ITPK1: variants seen among roughly 807,000 people sequenced by gnomAD.
ITPK1 encodes inositol 1,3,4-trisphosphate 5/6-kinase.
ITPK1 carries 21 observed loss-of-function variants against 45.3 expected under a neutral mutation model. The ratio of observed to expected loss-of-function variants is 0.46; its 90% CI spans 0.33 to 0.67. The LOEUF (loss-of-function observed/expected upper bound fraction) is 0.67. Among genes scored for constraint, ITPK1 ranks in the 30% least tolerant of loss-of-function variants. The pLI is 0.02. For synonymous variants in ITPK1, 258 were observed against 253.6 expected, an observed-to-expected ratio of 1.02 and a Z score of -0.16; for missense variants, 474 against 573.5, an observed-to-expected ratio of 0.83 and a Z score of 1.77.
chr14:93,114,747 C>T (rs1057173284), intron 2 of ITPK1, among the ~76,000 whole-genome samples: 2 of 152,188 alleles, frequency 1.3e-5, no homozygotes, highest in Non-Finnish European at 2.9e-5. Flanking sequence ...AGCGTGGATG[C>T]CCCGATTTCC....
chr14:93,017,495 G>A (rs1349940421), intron 3 of ITPK1, among the ~76,000 whole-genome samples: 1 of 152,228 alleles, frequency 6.6e-6, no homozygotes, highest in Non-Finnish European at 1.5e-5. Context: ...GGCCCCAAGA[G>A]AGCCAGAGCC....
chr14:93,003,724 C>A (rs1277943567), intron 4 of ITPK1, among the ~76,000 whole-genome samples: 1 of 152,166 alleles, frequency 6.6e-6, no homozygotes, highest in Non-Finnish European at 1.5e-5. Context: ...CTTCTGCCTG[C>A]CCATCACTGT....
Position 93,115,325 on chromosome 14 carries a change from G to A in ITPK1, c.-142-20C>T. 1 of 301,460 alleles carries A rather than the reference G, an allele frequency of 3.3e-6. No homozygotes were observed. The highest frequency in any genetic ancestry group is 6.0e-6 in the Non-Finnish European group (1 of 166,352). 18.7% of individuals were successfully genotyped at this position (301,460 alleles called of 1,614,324 possible). On this transcript the variant is annotated intron_variant, in intron 1 of 10. Transcript: ENST00000267615. The stretch of plus-strand genomic sequence containing the variant: ...GCAGTCCTGCCGCGCGGAGCGGAGC[G>A]GGGCGGGGCGCGGCGGGCGGCCGGG...
At chr14:93,005,441 C>T (rs1887563569) in intron 4 of ITPK1, among the ~76,000 whole-genome samples, 1 of 152,140 alleles carries the variant, frequency 6.6e-6, no homozygotes, top group African/African-American at 2.4e-5. Flanking sequence ...GGCCCAGATT[C>T]AGGGTCCGGG....
intron 2 of ITPK1, among the ~76,000 whole-genome samples, chr14:93,113,347 C>G (rs1000260689): frequency 6.6e-6 from 1 of 152,156 alleles, no homozygotes; most frequent in Non-Finnish European, 1.5e-5. Context: ...TTGTGAGTCT[C>G]GGCGAAGAAT....
At chr14:93,028,788 G>A (rs1888882733) in intron 3 of ITPK1, among the ~76,000 whole-genome samples, 1 of 152,198 alleles carries the variant, frequency 6.6e-6, no homozygotes, top group African/African-American at 2.4e-5. Flanking sequence ...TTCAGCTTCG[G>A]CATTTCTAAG....
chr14:93,034,530 C>G lies in ITPK1; in HGVS notation c.121-17729G>C, dbSNP rs1052054255. Among the ~76,000 whole-genome samples the G allele has an allele frequency of 6.6e-6, 1 of 152,192 alleles. No homozygotes were observed. Among genetic ancestry groups the G allele is most frequent in the African/African-American group, 2.4e-5 (1 of 41,450 alleles). ...CGGGCTCCACCACAGCTGGCCCCCA[C>G]TGGGCTGGGAGATCTGTCTGCTCTG... On this transcript the variant is annotated intron_variant, in intron 3 of 10. Coordinates refer to ENST00000267615, the MANE Select transcript of ITPK1 (RefSeq NM_014216.6). This position sits in a 1 kb window ranked among gnomAD's most constrained non-coding sequence, Gnocchi z 4.1.
At chr14:93,095,451 A>G (rs1892037442) in intron 2 of ITPK1, among the ~76,000 whole-genome samples, 1 of 152,168 alleles carries the variant, frequency 6.6e-6, no homozygotes, top group Non-Finnish European at 1.5e-5. Flanking sequence ...TTCCAAAGCC[A>G]GCTTCTGGGC....
At chr14:93,022,259 T>C (rs1888506809) in intron 3 of ITPK1, among the ~76,000 whole-genome samples, 1 of 152,122 alleles carries the variant, frequency 6.6e-6, no homozygotes, top group African/African-American at 2.4e-5. Context: ...GATCAACAAG[T>C]GAAGGCCACT....
Position 93,041,791 on chromosome 14 carries a change from C to CA in ITPK1, c.121-24991dup, listed in dbSNP as rs757649372. Among the ~76,000 whole-genome samples, 14 of 152,218 alleles carry CA rather than the reference C, an allele frequency of 9.2e-5. 1 individual carries two copies. The highest frequency in any genetic ancestry group is 1.5e-4 in the Non-Finnish European group (10 of 68,022). ...TGCTCGCACCCAGCACTACAGGTGA[C>CA]AAGAGTTCCTGGCCTTTCCTGTCTG... On this transcript the variant is annotated intron_variant, in intron 3 of 10. Coordinates refer to ENST00000267615, the MANE Select transcript of ITPK1 (RefSeq NM_014216.6).
In ITPK1 at chr14:92,940,017, G is replaced by T; in HGVS notation, c.*1544C>A. On this transcript the variant is annotated 3_prime_UTR_variant, in exon 11 of 11. Coordinates refer to ENST00000267615, the MANE Select transcript of ITPK1 (RefSeq NM_014216.6). ...TCAAGTCGTGTAAACGTGGTTAGTTGTTGGGTCCTCAGTTTCCAAAAAAGC... is the reference window on the plus strand; with the variant it reads ...TCAAGTCGTGTAAACGTGGTTAGTTTTTGGGTCCTCAGTTTCCAAAAAAGC... 1 of 985,858 alleles carries T rather than the reference G, an allele frequency of 1.0e-6. No homozygotes were observed. The highest frequency in any genetic ancestry group is 4.7e-5 in the South Asian group (1 of 21,290). The allele number at this position is 985,858 out of a possible 1,614,324, so 61.1% of individuals were successfully genotyped here.
intron 2 of ITPK1, among the ~76,000 whole-genome samples, chr14:93,081,683 A>G (rs766171819): frequency 3.3e-4 from 50 of 152,242 alleles, no homozygotes; most frequent in Non-Finnish European, 6.2e-4. Flanking sequence ...GGGTAACTAC[A>G]GACCGGTGCT....
chr14:93,081,031 T>C (rs1891413868), intron 2 of ITPK1, among the ~76,000 whole-genome samples: 2 of 151,188 alleles, frequency 1.3e-5, no homozygotes, highest in South Asian at 2.1e-4. Context: ...AATTTTTAAG[T>C]TTCATTAAAA....
chr14:93,114,395 A>G (rs910268584), intron 2 of ITPK1, among the ~76,000 whole-genome samples: 2 of 151,988 alleles, frequency 1.3e-5, no homozygotes, highest in African/African-American at 4.8e-5. Flanking sequence ...CTTTCTACGC[A>G]CCAGCCACTC....
chr14:93,075,119 G>T (rs1381278174), intron 3 of ITPK1, among the ~76,000 whole-genome samples: 1 of 151,940 alleles, frequency 6.6e-6, no homozygotes, highest in African/African-American at 2.4e-5. Flanking sequence ...CTGAGGTCGG[G>T]AGTTCAAGAT....
intron 3 of ITPK1, chr14:93,070,325 A>C (rs538885937): frequency 1.3e-5 from 2 of 152,406 alleles, no homozygotes; most frequent in East Asian, 3.9e-4. Context: ...CTGGATGGGG[A>C]AACCGCTCCT....
At chr14:92,942,145 C>T in intron 10 of ITPK1, among the ~76,000 whole-genome samples, 1 of 152,204 alleles carries the variant, frequency 6.6e-6, no homozygotes, top group East Asian at 1.9e-4. Flanking sequence ...GTGTGAGAAG[C>T]TGAAGAACCT....
Position 92,946,672 on chromosome 14 carries a change from C to T in ITPK1, c.739-179G>A, listed in dbSNP as rs187258336. 2.2e-4 allele frequency among the ~76,000 whole-genome samples: 33 copies of T among 152,330 alleles called. No homozygotes were observed. The East Asian group carries it at 5.0e-3, about 23-fold the overall frequency. On this transcript the variant is annotated intron_variant, in intron 9 of 10. Coordinates refer to ENST00000267615, the MANE Select transcript of ITPK1 (RefSeq NM_014216.6). Reference sequence around the variant, plus strand: ...TGGCCAGGTCCTGCCCTCTGAGGGCCGCCAGGCACGAGGTGTGTGAGGCTC... The same window carrying T: ...TGGCCAGGTCCTGCCCTCTGAGGGCTGCCAGGCACGAGGTGTGTGAGGCTC...
chr14:93,089,807 G>A (rs1479421748), intron 2 of ITPK1, among the ~76,000 whole-genome samples: 4 of 152,168 alleles, frequency 2.6e-5, no homozygotes, highest in African/African-American at 9.7e-5. Context: ...GCAGCTGGGA[G>A]CCATGGCTAC....
Sources: gnomAD v4.1 joint callset for allele counts (sites outside exome capture counted in the v4.1 genomes callset) on GRCh38, gnomAD v4.1.1 for gene constraint, Gnocchi (gnomAD v3.1) non-coding constraint, MANE v1.5 for transcripts, NCBI Gene and HGNC (gene_info 2026-07-23, HGNC 2026-07-21) for gene names.